Variants in NEDD4 observed in about 807,000 individuals in gnomAD.
NEDD4 encodes the protein E3 ubiquitin-protein ligase NEDD4.
A neutral mutation model predicts 144.9 loss-of-function variants in NEDD4; 99 were observed. The ratio of observed to expected loss-of-function variants is 0.68; its 90% CI spans 0.58 to 0.81. NEDD4 has a LOEUF of 0.81. NEDD4 is among the 30% of genes least tolerant of loss of function. The pLI is 0.00. For synonymous variants in NEDD4, 318 were observed against 350.6 expected (o/e 0.91, Z 1.04); for missense variants, 985 against 1,065.9 (o/e 0.92, Z 1.06).
intron 1 of NEDD4, among the ~76,000 whole-genome samples, chr15:55,982,303 A>C (rs2037816576): frequency 6.6e-6 from 1 of 152,264 alleles, no homozygotes; most frequent in Admixed American, 6.5e-5. Context: ...ATATACTTTT[A>C]TGAAAAGATT....
At chr15:55,833,203 C>A (rs1002265349) in intron 26 of NEDD4, 99 bp from the exon 27 acceptor site, 2 of 727,800 alleles carry the variant, frequency 2.7e-6, no homozygotes, top group South Asian at 2.0e-5. Flanking sequence ...TATTAATAAT[C>A]CCTTACTAGA....
At chr15:55,851,469 CA>C (rs1180381172) in intron 13 of NEDD4, among the ~76,000 whole-genome samples, 3 of 150,948 alleles carry the variant, frequency 2.0e-5, no homozygotes, top group Admixed American at 6.6e-5. Context: ...CAATATTTTA[CA>C]TTTTCTTTTC....
intron 12 of NEDD4, among the ~76,000 whole-genome samples, chr15:55,853,053 A>G (rs1483493872): frequency 6.6e-6 from 1 of 152,094 alleles, no homozygotes; most frequent in Non-Finnish European, 1.5e-5. Flanking sequence ...GCCTGGCCAG[A>G]AGAATTAAAT....
intron 21 of NEDD4, among the ~76,000 whole-genome samples, chr15:55,839,705 C>T (rs925619424): frequency 1.1e-4 from 17 of 151,848 alleles, no homozygotes; most frequent in African/African-American, 3.9e-4. Context: ...TGGCCAGGTG[C>T]GGTGGCTCAT....
At chr15:55,840,052 A>T (rs2033432094) in intron 21 of NEDD4, among the ~76,000 whole-genome samples, 1 of 131,266 alleles carries the variant, frequency 7.6e-6, no homozygotes, top group African/African-American at 2.9e-5. Flanking sequence ...AACATTCATC[A>T]TAAAAGATCA....
intron 5 of NEDD4, among the ~76,000 whole-genome samples, chr15:55,887,067 C>T (rs113874414): frequency 0.028 from 4,168 of 150,522 alleles, 84 homozygotes; most frequent in Non-Finnish European, 0.043. Flanking sequence ...AAATAAACAG[C>T]GTAAAAAGTG....
intron 7 of NEDD4, among the ~76,000 whole-genome samples, chr15:55,871,265 T>G (rs2175236): frequency 0.72 from 109,601 of 152,166 alleles, 40,002 homozygotes; most frequent in Non-Finnish European, 0.8. Context: ...TTCTCTACAA[T>G]TGTATGTTTC....
chr15:55,970,573 C>G (rs2037590499), intron 1 of NEDD4, among the ~76,000 whole-genome samples: 1 of 152,054 alleles, frequency 6.6e-6, no homozygotes, highest in South Asian at 2.1e-4. Flanking sequence ...GAGAGAGAGA[C>G]AGAGAGAGGG....
intron 22 of NEDD4, 129 bp from the exon 23 acceptor site, chr15:55,838,309 C>G (rs976306017): frequency 9.5e-6 from 7 of 737,242 alleles, no homozygotes; most frequent in Admixed American, 6.1e-5. Flanking sequence ...ACTAAGAAAA[C>G]TTAAAATACT....
chr15:55,860,595 T>G, intron 10 of NEDD4, 21 bp from the exon 11 acceptor site: 1 of 1,613,932 alleles, frequency 6.2e-7, no homozygotes, highest in Non-Finnish European at 8.5e-7. Context: ...CAGAATAAGC[T>G]TGAGCCACAC....
intron 2 of NEDD4, among the ~76,000 whole-genome samples, chr15:55,961,712 G>A (rs34605435): frequency 1.3e-5 from 2 of 151,940 alleles, no homozygotes; most frequent in East Asian, 1.9e-4. Flanking sequence ...CTTGTGATCC[G>A]CCCGCCTCAG....
At chr15:55,963,618 C>T (rs1218633254) in intron 2 of NEDD4, among the ~76,000 whole-genome samples, 2 of 152,116 alleles carry the variant, frequency 1.3e-5, no homozygotes, top group South Asian at 2.1e-4. Flanking sequence ...TCCTAAAAAA[C>T]AATGTTTTAA....
rs1274828411 is a variant in NEDD4 at position 55,827,301 on chromosome 15, C to T, written c.*2596G>A. The T allele has an allele frequency of 2.0e-5, 3 of 152,096 alleles. No individual in the cohort carries two copies. The highest frequency in any genetic ancestry group is 4.8e-5 in the African/African-American group (2 of 41,398). 9.4% of individuals were successfully genotyped at this position (152,096 alleles called of 1,614,324 possible). A position where few individuals can be genotyped will look rare whatever the true frequency, so the allele number is the denominator to read the frequency against. ...ATGAAAATGATCCTACTGACTGTCC[C>T]GCAGTAGAATGCATTTGAGACACTT... On this transcript the variant is annotated 3_prime_UTR_variant, in exon 29 of 29. Transcript: ENST00000435532.
rs373519434 is a variant in NEDD4 at position 55,840,041 on chromosome 15, T to TAA, written c.2031+404_2031+405dup. ...ATATATATATATATATATATATATA[T>TAA]AACATTCATCATAAAAGATCATAAT... On this transcript the variant is annotated intron_variant, in intron 21 of 28. Coordinates refer to ENST00000435532, the MANE Select transcript of NEDD4 (RefSeq NM_006154.4). Among the ~76,000 whole-genome samples, 129 of 70,456 alleles carry TAA rather than the reference T, an allele frequency of 1.8e-3. 1 individual carries two copies. Among genetic ancestry groups the TAA allele is most frequent in the African/African-American group, 2.9e-3 (56 of 19,376 alleles). 46.2% of individuals were successfully genotyped at this position (70,456 alleles called of 152,430 possible).
intron 5 of NEDD4, chr15:55,905,310 A>C (rs2036054537): frequency 2.2e-6 from 1 of 455,462 alleles, no homozygotes; most frequent in South Asian, 1.6e-5. Flanking sequence ...AATCATTAGA[A>C]GTTTCTTCTC....
At chr15:55,915,601 C>A in intron 5 of NEDD4, 1 of 1,613,882 alleles carries the variant, frequency 6.2e-7, no homozygotes. Flanking sequence ...TTAATATACT[C>A]TGAATCAGAA....
At chr15:55,858,078 T>C (rs1371785611) in intron 11 of NEDD4, among the ~76,000 whole-genome samples, 5 of 152,214 alleles carry the variant, frequency 3.3e-5, no homozygotes, top group African/African-American at 1.2e-4. Flanking sequence ...ATAATTTACA[T>C]AAATTCTGGT....
intron 7 of NEDD4, among the ~76,000 whole-genome samples, chr15:55,871,328 C>A (rs2175237): frequency 0.98 from 149,016 of 152,338 alleles, 72,972 homozygotes; most frequent in East Asian, 1. Flanking sequence ...ATGGGGCTCA[C>A]ACAAATTTAG....
At position 55,967,286 on chromosome 15, in the gene NEDD4, A is replaced by G. The variant is rs192779081; in HGVS notation, c.46-740T>C. On this transcript the variant is annotated intron_variant, in intron 1 of 28. Transcript: ENST00000435532. ...AATGTGTGGCTATTATAATGTATCA[A>G]ATATTAAATATCTTTGATATGATGG... 2.6e-5 allele frequency among the ~76,000 whole-genome samples: 4 copies of G among 152,320 alleles called. No individual in the cohort carries two copies. The East Asian group carries it at 7.7e-4, about 29-fold the overall frequency.
Sources: gnomAD v4.1 joint callset for allele counts (sites outside exome capture counted in the v4.1 genomes callset) on GRCh38, gnomAD v4.1.1 for gene constraint, MANE v1.5 for transcripts, NCBI Gene and HGNC (gene_info 2026-07-23, HGNC 2026-07-21) for gene names.